PRMT3: variants seen among roughly 807,000 people sequenced by gnomAD.
PRMT3 encodes protein arginine methyltransferase 3.
PRMT3 carries 62 observed loss-of-function variants against 71.9 expected under a neutral mutation model. The ratio of observed to expected loss-of-function variants is 0.86; its 90% confidence interval spans 0.70 to 1.07. The LOEUF (loss-of-function observed/expected upper bound fraction) is 1.07, where lower values mean the gene tolerates loss of function less well. Among genes scored for constraint, PRMT3 ranks in the 50% least tolerant of loss-of-function variants. PRMT3 has a pLI of 0.00. For missense variants in PRMT3, 663 were observed against 643.0 expected, an observed-to-expected ratio of 1.03 and a Z score of -0.34; for synonymous variants, 213 against 220.4, an observed-to-expected ratio of 0.97 and a Z score of 0.30.
chr11:20,452,164 C>T lies in PRMT3; in HGVS notation c.1028C>T (p.Ser343Phe), dbSNP rs774885478. ...YFLLFESMLD[S>F]VLYAKNKYLA... ...CTTCTGTTTGAGTCTATGTTAGATT[C>T]TGTCCTTTATGCAAAGAACAAATAC... Residue 343 changes from serine to phenylalanine, a missense_variant, in exon 11 of 16, where the codon TCT (serine) becomes TTT (phenylalanine). Coordinates refer to ENST00000331079, the MANE Select transcript of PRMT3 (RefSeq NM_005788.4). The T allele has an allele frequency of 5.6e-6, 9 of 1,610,736 alleles. No individual in the cohort carries two copies. The highest frequency in any genetic ancestry group is 1.3e-5 in the African/African-American group (1 of 74,862).
At chr11:20,502,256 C>G (rs573239861) in intron 15 of PRMT3, among the ~76,000 whole-genome samples, 77 of 152,302 alleles carry the variant, frequency 5.1e-4, no homozygotes, top group African/African-American at 1.7e-3. Flanking sequence ...TACTCTGATT[C>G]ATTCTGGTAT....
At chr11:20,500,335 ATTTCC>A (rs1408491236) in intron 15 of PRMT3, among the ~76,000 whole-genome samples, 2 of 152,188 alleles carry the variant, frequency 1.3e-5, no homozygotes, top group Non-Finnish European at 2.9e-5. Context: ...TCATAGAAGA[ATTTCC>A]TTTATTAATT....
At chr11:20,424,012 A>G (rs570915305) in intron 9 of PRMT3, among the ~76,000 whole-genome samples, 1 of 151,702 alleles carries the variant, frequency 6.6e-6, no homozygotes, top group African/African-American at 2.4e-5. Context: ...GTGAAACCCC[A>G]TATCTACTGA....
At chr11:20,475,572 T>TAA (rs11424592) in intron 13 of PRMT3, among the ~76,000 whole-genome samples, 29 of 151,586 alleles carry the variant, frequency 1.9e-4, no homozygotes, top group Non-Finnish European at 1.0e-4. Context: ...TGTTTTTACT[T>TAA]AAAAACCTCT....
At chr11:20,402,233 C>T (rs1221799496) in intron 7 of PRMT3, among the ~76,000 whole-genome samples, 1 of 152,068 alleles carries the variant, frequency 6.6e-6, no homozygotes, top group Non-Finnish European at 1.5e-5. Flanking sequence ...GATTCTCCTG[C>T]CTCAGCCTCC....
At chr11:20,461,017 C>G (rs73449290) in intron 11 of PRMT3, among the ~76,000 whole-genome samples, 2 of 152,138 alleles carry the variant, frequency 1.3e-5, no homozygotes, top group Non-Finnish European at 2.9e-5. Context: ...AAAATCTAGT[C>G]ATGTTGCTAC....
At chr11:20,400,960 C>T (rs1371109622) in intron 7 of PRMT3, among the ~76,000 whole-genome samples, 6 of 122,100 alleles carry the variant, frequency 4.9e-5, no homozygotes, top group South Asian at 3.1e-4. Flanking sequence ...CTTGCGTTTT[C>T]GTATTTATTG....
intron 15 of PRMT3, among the ~76,000 whole-genome samples, chr11:20,504,832 C>G (rs1851552778): frequency 6.6e-6 from 1 of 152,156 alleles, no homozygotes; most frequent in South Asian, 2.1e-4. Flanking sequence ...CTCCTGGGTT[C>G]AGGCCATCCT....
At chr11:20,429,222 A>G (rs559166106) in intron 10 of PRMT3, among the ~76,000 whole-genome samples, 49 of 152,252 alleles carry the variant, frequency 3.2e-4, no homozygotes, top group Middle Eastern at 6.8e-3. Context: ...AAACTGTTCC[A>G]TCTCACATCA....
intron 10 of PRMT3, among the ~76,000 whole-genome samples, chr11:20,450,337 C>T (rs1325785770): frequency 1.3e-5 from 2 of 152,078 alleles, no homozygotes; most frequent in Non-Finnish European, 2.9e-5. Flanking sequence ...AATTCCTTGG[C>T]ATAAATTATA....
Position 20,387,800 on chromosome 11 carries a change from CGGCTCGTCCAGCCCCA to C in PRMT3, c.28+30_28+45del. On this transcript the variant is annotated intron_variant, in intron 1 of 15. Transcript: ENST00000331079. This position sits in a 1 kb window ranked among gnomAD's most constrained non-coding sequence, Gnocchi z 4.3. Reference sequence around the variant, plus strand: ...GTGGGTACCCTGGCCCCTCAGCACCCGGCTCGTCCAGCCCCAGGCCGCGCCGCTGTGGGGCCGGTGG... The same window carrying C: ...GTGGGTACCCTGGCCCCTCAGCACCCGGCCGCGCCGCTGTGGGGCCGGTGG... 6.5e-7 allele frequency: 1 copy of C among 1,541,470 alleles called. No individual in the cohort carries two copies. Among genetic ancestry groups the C allele is most frequent in the East Asian group, 2.4e-5 (1 of 40,876 alleles).
chr11:20,436,542 A>G (rs780899507), intron 10 of PRMT3, among the ~76,000 whole-genome samples: 3 of 152,106 alleles, frequency 2.0e-5, no homozygotes, highest in Non-Finnish European at 2.9e-5. Context: ...TTTTGAGATG[A>G]TCATATGGCT....
intron 13 of PRMT3, among the ~76,000 whole-genome samples, chr11:20,466,196 T>G (rs1590085192): frequency 6.6e-6 from 1 of 152,330 alleles, no homozygotes; most frequent in East Asian, 1.9e-4. Flanking sequence ...TCGGTTGGTT[T>G]AAACTGAGAG....
At position 20,433,291 on chromosome 11, in the gene PRMT3, T is replaced by C. The variant is rs151135457; in HGVS notation, c.993+6426T>C. Among the ~76,000 whole-genome samples, 107 of 152,256 alleles carry C rather than the reference T, an allele frequency of 7.0e-4. 1 individual carries two copies. In the East Asian group the frequency reaches 0.019, roughly 27 times the overall value. On this transcript the variant is annotated intron_variant, in intron 10 of 15. Transcript: ENST00000331079. ...TCATCATTTAGCTCCCACTTATAAGTGAGAACATGTGGTATTTGGTTTTCT... is the reference window on the plus strand; with the variant it reads ...TCATCATTTAGCTCCCACTTATAAGCGAGAACATGTGGTATTTGGTTTTCT...
At chr11:20,437,677 C>A (rs1426439193) in intron 10 of PRMT3, among the ~76,000 whole-genome samples, 1 of 152,028 alleles carries the variant, frequency 6.6e-6, no homozygotes. Context: ...GCAAGCTCCG[C>A]CTCCCTGGTT....
chr11:20,448,152 T>G (rs541819339), intron 10 of PRMT3, among the ~76,000 whole-genome samples: 3 of 152,210 alleles, frequency 2.0e-5, no homozygotes, highest in South Asian at 4.1e-4. Flanking sequence ...ATAGATTTTT[T>G]TTTTCTTCTA....
At chr11:20,472,052 G>A (rs6483691) in intron 13 of PRMT3, among the ~76,000 whole-genome samples, 148,176 of 152,278 alleles carry the variant, frequency 0.97, 72,417 homozygotes, top group Middle Eastern at 1. Flanking sequence ...TGATTTTTGT[G>A]TCCTGAGACT....
At chr11:20,394,782 A>G (rs1226031433) in intron 5 of PRMT3, among the ~76,000 whole-genome samples, 1 of 152,062 alleles carries the variant, frequency 6.6e-6, no homozygotes, top group Non-Finnish European at 1.5e-5. Context: ...TGCTGCTGTG[A>G]GTTTTTTTTT....
intron 9 of PRMT3, among the ~76,000 whole-genome samples, chr11:20,419,076 A>T (rs1849370503): frequency 1.3e-5 from 2 of 152,178 alleles, no homozygotes; most frequent in Admixed American, 6.5e-5. Flanking sequence ...TAGGGTATAC[A>T]TATCTTCAAA....
Sources: gnomAD v4.1 joint callset for allele counts (sites outside exome capture counted in the v4.1 genomes callset) on GRCh38, gnomAD v4.1.1 for gene constraint, Gnocchi (gnomAD v3.1) non-coding constraint, MANE v1.5 for transcripts, NCBI Gene and HGNC (gene_info 2026-07-23, HGNC 2026-07-21) for gene names.